Variants in ALOX5 observed in about 807,000 individuals in gnomAD.
ALOX5 encodes arachidonate 5-lipoxygenase.
ALOX5 carries 64 observed loss-of-function variants against 87.9 expected under a neutral mutation model. The ratio of observed to expected loss-of-function variants is 0.73; its 90% CI spans 0.60 to 0.90. The LOEUF (loss-of-function observed/expected upper bound fraction) is 0.90, where lower values mean the gene tolerates loss of function less well. Ranked by LOEUF, ALOX5 falls within the 40% of genes least tolerant of loss-of-function variation. The pLI is 0.00. For missense variants in ALOX5, 822 were observed against 907.5 expected, an observed-to-expected ratio of 0.91 and a Z score of 1.21; for synonymous variants, 388 against 355.1, an observed-to-expected ratio of 1.09 and a Z score of -1.04.
At chr10:45,412,006 G>A (rs10900215) in intron 3 of ALOX5, among the ~76,000 whole-genome samples, 185 bp from the exon 4 acceptor site, 3 of 152,084 alleles carry the variant, frequency 2.0e-5, no homozygotes, top group Non-Finnish European at 2.9e-5. Flanking sequence ...AAGTTGGTGC[G>A]ACTGGACTTT....
rs545132243 is a variant in ALOX5, at chr10:45,383,228, C to T, written c.349+547C>T. ...TTCTTCAACCCGAAGTCTCACCTTT[C>T]GCTGAAAGAAAGAAGAACCTCAAAT... On this transcript the variant is annotated intron_variant, in intron 2 of 13. Transcript: ENST00000374391. 1.4e-4 allele frequency among the ~76,000 whole-genome samples: 21 copies of T among 152,392 alleles called. No individual in the cohort carries two copies. The East Asian group carries it at 2.1e-3, about 15-fold the overall frequency.
intron 3 of ALOX5, among the ~76,000 whole-genome samples, chr10:45,409,044 C>T (rs940728370): frequency 1.3e-5 from 2 of 152,214 alleles, no homozygotes; most frequent in African/African-American, 4.8e-5. Context: ...TGTAAACAGA[C>T]TGTCACCTAC....
chr10:45,442,770 C>T, intron 9 of ALOX5: 1 of 446,580 alleles, frequency 2.2e-6, no homozygotes, highest in South Asian at 4.8e-5. Context: ...CCTCCTGTGG[C>T]TGGGAGCGCA....
intron 3 of ALOX5, among the ~76,000 whole-genome samples, chr10:45,398,876 G>T (rs879715995): frequency 6.6e-6 from 1 of 152,190 alleles, no homozygotes; most frequent in Admixed American, 6.5e-5. Context: ...ATGTAAAATG[G>T]CACAGCTGCT....
chr10:45,422,167 C>T (rs1160905078), intron 4 of ALOX5, among the ~76,000 whole-genome samples: 1 of 152,188 alleles, frequency 6.6e-6, no homozygotes, highest in Non-Finnish European at 1.5e-5. Flanking sequence ...AGGAGTTCCC[C>T]CCTGTGGTTG....
At chr10:45,392,998 A>T (rs1321529663) in intron 2 of ALOX5, among the ~76,000 whole-genome samples, 1 of 152,198 alleles carries the variant, frequency 6.6e-6, no homozygotes, top group South Asian at 2.1e-4. Context: ...GACCAGATGG[A>T]TTCACAGCCG....
At chr10:45,390,487 C>A (rs538991914) in intron 2 of ALOX5, among the ~76,000 whole-genome samples, 60 of 152,364 alleles carry the variant, frequency 3.9e-4, no homozygotes, top group Non-Finnish European at 7.2e-4. Flanking sequence ...CCATAACAAA[C>A]TGTCTCTCAG....
chr10:45,381,508 G>A (rs1839826574), intron 1 of ALOX5, among the ~76,000 whole-genome samples: 1 of 152,240 alleles, frequency 6.6e-6, no homozygotes, highest in African/African-American at 2.4e-5. Flanking sequence ...TTCATCTGTG[G>A]AAGGGGTGGT....
chr10:45,425,218 C>T lies in ALOX5; in HGVS notation c.834+86C>T, dbSNP rs1841663567. 6.9e-7 allele frequency: 1 copy of T among 1,454,284 alleles called. No individual in the cohort carries two copies. Among genetic ancestry groups the T allele is most frequent in the Non-Finnish European group, 9.2e-7 (1 of 1,087,374 alleles). The allele number at this position is 1,454,284 out of a possible 1,614,324, so 90.1% of individuals were successfully genotyped here. On this transcript the variant is annotated intron_variant, in intron 6 of 13. Coordinates refer to ENST00000374391, the MANE Select transcript of ALOX5 (RefSeq NM_000698.5). This position sits in a 1 kb window ranked among gnomAD's most constrained non-coding sequence, Gnocchi z 4.4. ...CCTCCTGGCCAGTGCTCATAGGCCA[C>T]CAAGACGCTAACTGCAGGCCCATCT...
At chr10:45,435,266 T>G (rs1406777913) in intron 7 of ALOX5, among the ~76,000 whole-genome samples, 3 of 151,874 alleles carry the variant, frequency 2.0e-5, no homozygotes, top group Non-Finnish European at 4.4e-5. Context: ...AGAACAGTTT[T>G]TTTTTTTTTA....
At chr10:45,405,562 A>G (rs1840850044) in intron 3 of ALOX5, among the ~76,000 whole-genome samples, 1 of 152,174 alleles carries the variant, frequency 6.6e-6, no homozygotes, top group Non-Finnish European at 1.5e-5. Context: ...CTTTTGCCAC[A>G]GGAGATTTTA....
At position 45,443,524 on chromosome 10, in the gene ALOX5, C is replaced by T. The variant is rs1342754311; in HGVS notation, c.1560C>T (p.Gly520=). The T allele has an allele frequency of 1.9e-6, 3 of 1,612,466 alleles. No individual in the cohort carries two copies. The highest frequency in any genetic ancestry group is 2.5e-6 in the Non-Finnish European group (3 of 1,179,274). Residue 520 remains glycine (G), a synonymous_variant, in exon 11 of 14, where the codon GGC becomes GGT. Coordinates refer to ENST00000374391, the MANE Select transcript of ALOX5 (RefSeq NM_000698.5). ...VNDVYVYGMR[G]RKSSGFPKSV... The stretch of plus-strand genomic sequence containing the variant: ...ATGTCTACGTGTACGGCATGCGGGG[C>T]CGCAAGTCCTCAGGTAGGGCCTCCG...
rs746772205 is a variant in ALOX5 at position 45,374,247 on chromosome 10, C to G, written c.-33C>G. 2 of 1,452,276 alleles carry G rather than the reference C, an allele frequency of 1.4e-6. No individual in the cohort carries two copies. Among genetic ancestry groups the G allele is most frequent in the Non-Finnish European group, 1.8e-6 (2 of 1,101,886 alleles). 90.0% of individuals were successfully genotyped at this position (1,452,276 alleles called of 1,614,324 possible). The stretch of plus-strand genomic sequence containing the variant: ...GGACACCTGGACCGCCGCGCCGAGG[C>G]TCCCGGCGCTCGCTGCTCCCGCGGC... On this transcript the variant is annotated 5_prime_UTR_variant, in exon 1 of 14. Transcript: ENST00000374391.
intron 6 of ALOX5, among the ~76,000 whole-genome samples, chr10:45,426,360 C>A (rs1841703136): frequency 6.6e-6 from 1 of 152,194 alleles, no homozygotes; most frequent in Non-Finnish European, 1.5e-5. Context: ...AGTCACCTTT[C>A]CTTTGAGCTG....
intron 5 of ALOX5, 65 bp from the exon 6 acceptor site, chr10:45,424,895 G>A (rs1270861636): frequency 4.2e-5 from 66 of 1,580,788 alleles, no homozygotes; most frequent in Non-Finnish European, 5.4e-5. Context: ...GTGAGGTCAG[G>A]AGGGCCATGG....
Position 45,443,735 on chromosome 10 carries a change from C to G in ALOX5, c.1581C>G (p.Pro527=), listed in dbSNP as rs745945361. 6.2e-7 allele frequency: 1 copy of G among 1,611,954 alleles called. No individual in the cohort carries two copies. Among genetic ancestry groups the G allele is most frequent in the Admixed American group, 1.7e-5 (1 of 59,926 alleles). ...CCGGTGGTTCCACCCTAGGCTTCCC[C>G]AAGTCGGTCAAGAGCCGGGAGCAGC... is the stretch of plus-strand genomic sequence containing the variant. The part of the protein sequence containing the change: ...GMRGRKSSGF[P]KSVKSREQLS... The change falls in exon 12 of 14, where the codon CCC becomes CCG. Residue 527 remains proline (P), a synonymous_variant. Coordinates refer to ENST00000374391, the MANE Select transcript of ALOX5 (RefSeq NM_000698.5).
At chr10:45,424,666 G>A (rs1841630542) in intron 5 of ALOX5, among the ~76,000 whole-genome samples, 1 of 152,126 alleles carries the variant, frequency 6.6e-6, no homozygotes, top group African/African-American at 2.4e-5. Context: ...ACTGCCCCCA[G>A]GGACTCTCCT....
At chr10:45,382,290 G>T (rs1033220526) in intron 1 of ALOX5, among the ~76,000 whole-genome samples, 193 bp from the exon 2 acceptor site, 9 of 152,142 alleles carry the variant, frequency 5.9e-5, no homozygotes, top group Admixed American at 2.0e-4. Context: ...CTTTCATAGG[G>T]GACTTTCATC....
chr10:45,404,336 C>T (rs1159981824), intron 3 of ALOX5, among the ~76,000 whole-genome samples: 1 of 152,114 alleles, frequency 6.6e-6, no homozygotes, highest in Non-Finnish European at 1.5e-5. Context: ...AAGAATAGTC[C>T]ACACTATGTC....
Sources: allele counts gnomAD v4.1 joint callset (sites outside exome capture counted in the v4.1 genomes callset), GRCh38; gene constraint gnomAD v4.1.1; non-coding constraint Gnocchi (gnomAD v3.1); transcripts MANE v1.5; gene names NCBI Gene and HGNC (gene_info 2026-07-23, HGNC 2026-07-21).